The following ZEB2 variants were observed in gnomAD, a reference collection of about 807,000 sequenced individuals.
ZEB2 encodes zinc finger E-box-binding homeobox 2.
In ZEB2, 6 loss-of-function variants were observed where a neutral mutation model predicts 99.9. That is an observed-to-expected ratio of 0.06 (90% confidence interval 0.03 to 0.12). ZEB2 has a LOEUF of 0.12. Among genes scored for constraint, ZEB2 ranks in the 10% least tolerant of loss-of-function variants. The pLI is 1.00. For synonymous variants in ZEB2, 517 were observed against 542.5 expected (o/e 0.95, Z 0.65); for missense variants, 969 against 1,502.8 (o/e 0.64, Z 5.87).
chr2:144,388,890 GAA>G lies in ZEB2; in HGVS notation c.*559_*560del, dbSNP rs533637050. 9.0e-4 allele frequency: 297 copies of G among 329,712 alleles called. No individual in the cohort carries two copies. The highest frequency in any genetic ancestry group is 1.6e-3 in the Admixed American group (43 of 27,454). The allele number at this position is 329,712 out of a possible 1,614,324, so 20.4% of individuals were successfully genotyped here. ...ATGCATCACTTCAAGTTCCTTCACA[GAA>G]AAAAAAAAAAATTGAGGCCTAAAAT... is the stretch of plus-strand genomic sequence containing the variant. On this transcript the variant is annotated 3_prime_UTR_variant, in exon 10 of 10. Transcript: ENST00000627532. The surrounding 1 kb of genome is among the most constrained non-coding windows in gnomAD (Gnocchi z 5.4).
At chr2:144,449,051 A>T (rs1411213589) in intron 2 of ZEB2, among the ~76,000 whole-genome samples, 3 of 152,228 alleles carry the variant, frequency 2.0e-5, no homozygotes, top group Non-Finnish European at 2.9e-5. Context: ...CCCTGAGAAG[A>T]CGTGAAGCAG....
At chr2:144,488,162 G>A (rs954035092) in intron 2 of ZEB2, among the ~76,000 whole-genome samples, 3 of 152,178 alleles carry the variant, frequency 2.0e-5, no homozygotes, top group Admixed American at 1.3e-4. Flanking sequence ...TTAGTGCACA[G>A]CACATTTTTC....
intron 4 of ZEB2, among the ~76,000 whole-genome samples, chr2:144,423,355 G>A (rs888496702): frequency 2.0e-5 from 3 of 152,080 alleles, no homozygotes; most frequent in South Asian, 2.1e-4. Context: ...CATGAGTTGG[G>A]ACATTATAGA....
chr2:144,412,022 C>A lies in ZEB2; in HGVS notation c.404-6998G>T, dbSNP rs1032469529. Among the ~76,000 whole-genome samples the A allele has an allele frequency of 9.2e-5, 14 of 152,372 alleles. 1 individual carries two copies. In the South Asian group the frequency reaches 2.1e-3, roughly 23 times the overall value. On this transcript the variant is annotated intron_variant, in intron 4 of 9. Coordinates refer to ENST00000627532, the MANE Select transcript of ZEB2 (RefSeq NM_014795.4). ...CGGTGGCTTACGCCTGTAATCCCAG[C>A]ACTTTGGGAGGCCGAGGTGGGCGGA...
intron 4 of ZEB2, among the ~76,000 whole-genome samples, chr2:144,411,066 T>TATAC (rs1189832576): frequency 5.2e-5 from 5 of 95,690 alleles, no homozygotes; most frequent in African/African-American, 1.9e-4. Context: ...TCTATATATA[T>TATAC]ATATATATAT....
At chr2:144,484,437 T>C (rs565461220) in intron 2 of ZEB2, among the ~76,000 whole-genome samples, 101 of 151,928 alleles carry the variant, frequency 6.6e-4, no homozygotes, top group Non-Finnish European at 1.2e-3. Flanking sequence ...CTGAATCAAA[T>C]GTGTAGGACT....
At chr2:144,460,162 A>G (rs1704172791) in intron 2 of ZEB2, among the ~76,000 whole-genome samples, 2 of 152,182 alleles carry the variant, frequency 1.3e-5, no homozygotes, top group African/African-American at 4.8e-5. Context: ...GGTGAGGGCC[A>G]CCCAAGTGAC....
intron 2 of ZEB2, among the ~76,000 whole-genome samples, chr2:144,469,372 G>A (rs1373778682): frequency 6.6e-6 from 1 of 152,076 alleles, no homozygotes; most frequent in Non-Finnish European, 1.5e-5. Context: ...CGTAGAGCAC[G>A]CAAAGATGTA....
intron 3 of ZEB2, chr2:144,429,174 G>C (rs976242422): frequency 6.5e-6 from 1 of 152,968 alleles, no homozygotes; most frequent in Non-Finnish European, 1.5e-5. Context: ...CTTCCCTTGA[G>C]AGTCCCACCA....
intron 2 of ZEB2, among the ~76,000 whole-genome samples, chr2:144,490,738 T>TA (rs988873137): frequency 1.3e-5 from 2 of 152,214 alleles, no homozygotes; most frequent in African/African-American, 4.8e-5. Flanking sequence ...ATCATCTTCC[T>TA]ATGTCCACTC....
intron 4 of ZEB2, among the ~76,000 whole-genome samples, chr2:144,409,905 A>T (rs1262394405): frequency 1.3e-5 from 2 of 151,646 alleles, no homozygotes; most frequent in Non-Finnish European, 2.9e-5. Flanking sequence ...AACCAAAAAA[A>T]AGTTGTTGTT....
At chr2:144,457,673 C>A (rs534998842) in intron 2 of ZEB2, among the ~76,000 whole-genome samples, 1 of 152,216 alleles carries the variant, frequency 6.6e-6, no homozygotes, top group East Asian at 1.9e-4. Flanking sequence ...TCAGTGACAT[C>A]CATCATTTGT....
intron 2 of ZEB2, among the ~76,000 whole-genome samples, chr2:144,473,037 T>C (rs776872162): frequency 3.7e-4 from 57 of 152,148 alleles, no homozygotes; most frequent in Non-Finnish European, 7.1e-4. Flanking sequence ...GAATTTGATA[T>C]GTGAATGTGG....
intron 5 of ZEB2, 109 bp from the exon 6 acceptor site, chr2:144,404,239 GC>G: frequency 4.0e-6 from 5 of 1,238,322 alleles, no homozygotes; most frequent in Non-Finnish European, 5.7e-6. Context: ...ACTGCAATCT[GC>G]TCCACAGAGT....
intron 2 of ZEB2, among the ~76,000 whole-genome samples, chr2:144,477,123 T>A (rs1303713174): frequency 6.6e-6 from 1 of 152,202 alleles, no homozygotes. Context: ...AATTTAACTC[T>A]ATGAAAATGG....
At chr2:144,519,081 C>T (rs1414383487) in intron 1 of ZEB2, among the ~76,000 whole-genome samples, 1 of 152,206 alleles carries the variant, frequency 6.6e-6, no homozygotes, top group East Asian at 1.9e-4. Flanking sequence ...CTATCTCTCT[C>T]TCGACTTTTC....
chr2:144,513,861 T>G (rs1705087314), intron 2 of ZEB2: 3 of 1,531,524 alleles, frequency 2.0e-6, no homozygotes, highest in Admixed American at 2.0e-5. Flanking sequence ...TTCCCCCTCC[T>G]CTCCAGCGTC....
intron 2 of ZEB2, among the ~76,000 whole-genome samples, chr2:144,459,428 T>A (rs1343711416): frequency 2.6e-5 from 4 of 152,146 alleles, no homozygotes. Flanking sequence ...TAGCCTGAAG[T>A]CAGATTTCAG....
chr2:144,461,515 G>A (rs1704194001), intron 2 of ZEB2: 1 of 152,194 alleles, frequency 6.6e-6, no homozygotes, highest in South Asian at 2.1e-4. Flanking sequence ...AACTGGACAA[G>A]GCTGCAGCCC....
Sources: allele counts gnomAD v4.1 joint callset (sites outside exome capture counted in the v4.1 genomes callset), GRCh38; gene constraint gnomAD v4.1.1; non-coding constraint Gnocchi (gnomAD v3.1); transcripts MANE v1.5; gene names NCBI Gene and HGNC (gene_info 2026-07-23, HGNC 2026-07-21).